Variants in STAT5B observed in about 807,000 individuals in gnomAD.
The protein encoded by STAT5B is signal transducer and activator of transcription 5B.
A neutral mutation model predicts 107.8 loss-of-function variants in STAT5B; 21 were observed. The ratio of observed to expected loss-of-function variants is 0.19; its 90% CI spans 0.14 to 0.28. The LOEUF is 0.28. Among genes scored for constraint, STAT5B ranks in the 10% least tolerant of loss-of-function variants. STAT5B has a pLI of 1.00. For missense variants in STAT5B, 565 were observed against 1,008.2 expected, an observed-to-expected ratio of 0.56 and a Z score of 5.95; for synonymous variants, 325 against 401.7, an observed-to-expected ratio of 0.81 and a Z score of 2.28.
chr17:42,248,867 C>A (rs1479463350), intron 1 of STAT5B, among the ~76,000 whole-genome samples: 1 of 152,218 alleles, frequency 6.6e-6, no homozygotes, highest in East Asian at 1.9e-4. Context: ...AGCTAGTACG[C>A]AATAGCATTT....
intron 1 of STAT5B, among the ~76,000 whole-genome samples, chr17:42,262,422 G>A (rs542818288): frequency 3.8e-4 from 58 of 152,218 alleles, no homozygotes; most frequent in Non-Finnish European, 6.8e-4. Context: ...ACTATTTAAT[G>A]TAAATTTAAT....
At chr17:42,284,328 G>A in the STAT5B span, among the ~76,000 whole-genome samples, 5 of 151,474 alleles carry the variant, frequency 3.3e-5, no homozygotes, top group African/African-American at 4.9e-5. Flanking sequence ...GTGCAACGGC[G>A]TGATCTCAGC....
chr17:42,272,604 T>C (rs1168470369), intron 1 of STAT5B: 1 of 152,178 alleles, frequency 6.6e-6, no homozygotes, highest in Non-Finnish European at 1.5e-5. Flanking sequence ...TCAGTAAAGC[T>C]GTCATGAAGT....
In STAT5B at chr17:42,210,304, G is replaced by A. The variant is rs752917778; in HGVS notation, c.1776-3C>T. 2 of 1,614,122 alleles carry A rather than the reference G, an allele frequency of 1.2e-6. No homozygotes were observed. Among genetic ancestry groups the A allele is most frequent in the Non-Finnish European group, 8.5e-7 (1 of 1,180,028 alleles). On this transcript the variant is annotated splice_polypyrimidine_tract_variant and splice_region_variant and intron_variant, in intron 14 of 18. Coordinates refer to ENST00000293328, the MANE Select transcript of STAT5B (RefSeq NM_012448.4). ...TGTTTACAAACCCCAAAATGGCCCT[G>A]GATCACCAAGGACAAAGGACAGAAG...
chr17:42,264,197 CTT>C (rs969263865), intron 1 of STAT5B, among the ~76,000 whole-genome samples: 7 of 148,586 alleles, frequency 4.7e-5, no homozygotes, highest in African/African-American at 1.7e-4. Context: ...TTGTACAAAT[CTT>C]TTTTTTTTAA....
intron 5 of STAT5B, among the ~76,000 whole-genome samples, chr17:42,222,547 CT>C (rs2080238962): frequency 6.6e-6 from 1 of 152,132 alleles, no homozygotes; most frequent in African/African-American, 2.4e-5. Flanking sequence ...AGAAAGGTTT[CT>C]TTTCCCCCTT....
At chr17:42,262,970 G>GTGTATATATATA (rs2080626695) in intron 1 of STAT5B, among the ~76,000 whole-genome samples, 2 of 20,946 alleles carry the variant, frequency 9.5e-5, no homozygotes, top group Non-Finnish European at 1.7e-4. Flanking sequence ...GTGTGTGTGT[G>GTGTATATATATA]TATATATATA....
At chr17:42,249,516 T>A (rs991855431) in intron 1 of STAT5B, among the ~76,000 whole-genome samples, 11 of 152,152 alleles carry the variant, frequency 7.2e-5, no homozygotes, top group Non-Finnish European at 1.0e-4. Flanking sequence ...TAAAGTCAAG[T>A]CAGTCATTCT....
At chr17:42,257,932 T>C (rs2080560722) in intron 1 of STAT5B, among the ~76,000 whole-genome samples, 1 of 152,214 alleles carries the variant, frequency 6.6e-6, no homozygotes, top group Non-Finnish European at 1.5e-5. Context: ...ATGAATTTTA[T>C]GAGAGTGCTG....
At chr17:42,268,498 G>A (rs1211550796) in intron 1 of STAT5B, 1 of 151,972 alleles carries the variant, frequency 6.6e-6, no homozygotes, top group Non-Finnish European at 1.5e-5. Context: ...AGTGACAAAC[G>A]ACTATAGTTA....
At chr17:42,230,809 C>T (rs143581239) in intron 2 of STAT5B, among the ~76,000 whole-genome samples, 42 of 152,018 alleles carry the variant, frequency 2.8e-4, no homozygotes, top group East Asian at 2.3e-3. Context: ...TACAGGCGCC[C>T]GTCACCACGC....
intron 2 of STAT5B, among the ~76,000 whole-genome samples, chr17:42,227,957 C>T (rs1416472832): frequency 1.3e-5 from 2 of 151,832 alleles, no homozygotes; most frequent in African/African-American, 2.4e-5. Flanking sequence ...CAATGATGTG[C>T]TTGGTGCTTA....
intron 1 of STAT5B, among the ~76,000 whole-genome samples, chr17:42,236,808 T>C (rs2080360283): frequency 6.6e-6 from 1 of 152,204 alleles, no homozygotes; most frequent in Non-Finnish European, 1.5e-5. Context: ...ACATGCCTGA[T>C]ATGAGTAGCA....
chr17:42,235,878 A>T (rs1447447047), intron 1 of STAT5B, among the ~76,000 whole-genome samples: 1 of 152,230 alleles, frequency 6.6e-6, no homozygotes, highest in Non-Finnish European at 1.5e-5. Flanking sequence ...ATACACAAAC[A>T]AATATTTAAC....
intron 1 of STAT5B, among the ~76,000 whole-genome samples, chr17:42,268,253 T>TATTTAGAAAAGTTTTAA (rs1399058871): frequency 2.0e-5 from 3 of 152,204 alleles, no homozygotes; most frequent in Non-Finnish European, 4.4e-5. Flanking sequence ...AACTTTTCTA[T>TATTTAGAAAAGTTTTAA]ATTTAGATAT....
the STAT5B span, chr17:42,287,650 A>G: frequency 2.6e-5 from 4 of 152,376 alleles, no homozygotes; most frequent in Non-Finnish European, 4.4e-5. Context: ...AACCAGCCTC[A>G]TAAGTAACTA....
At chr17:42,279,617 G>A (rs757298200), upstream of STAT5B, among the ~76,000 whole-genome samples, 6 of 152,056 alleles carry the variant, frequency 3.9e-5, no homozygotes, top group Admixed American at 6.6e-5. Context: ...GAGAAACCTC[G>A]TCTTTACTAA....
chr17:42,218,862 C>T lies in STAT5B; in HGVS notation c.850G>A (p.Glu284Lys), dbSNP rs1430918084. 5 of 1,613,760 alleles carry T rather than the reference C, an allele frequency of 3.1e-6. No individual in the cohort carries two copies. The highest frequency in any genetic ancestry group is 4.2e-6 in the Non-Finnish European group (5 of 1,179,834). ...VLQSWCEKLAEIIWQNRQQIR... is the reference protein window; with the variant it reads ...VLQSWCEKLAKIIWQNRQQIR... ...TGCTGCCGGTTCTGCCAGATGATCT[C>T]GGCCAACTTCTCACACCTGCACGAG... Residue 284 changes from glutamate to lysine, a missense_variant, in exon 8 of 19, where the codon GAG becomes AAG. Around this residue, in one of 11 missense-constraint regions of STAT5B, gnomAD observed 48 missense variants for 106.5 expected, o/e 0.45. Coordinates refer to ENST00000293328, the MANE Select transcript of STAT5B (RefSeq NM_012448.4).
intron 5 of STAT5B, among the ~76,000 whole-genome samples, chr17:42,220,364 T>C (rs187386550): frequency 0.012 from 1,800 of 152,296 alleles, 28 homozygotes; most frequent in African/African-American, 0.042. Context: ...GGGTGAGCTC[T>C]GTGTGAGGTT....
Sources: allele counts gnomAD v4.1 joint callset (sites outside exome capture counted in the v4.1 genomes callset), GRCh38; gene constraint gnomAD v4.1.1; regional missense constraint gnomAD v4.1.1; transcripts MANE v1.5; gene names NCBI Gene and HGNC (gene_info 2026-07-23, HGNC 2026-07-21).